SLC25A48: variants seen among roughly 807,000 people sequenced by gnomAD.
The protein encoded by SLC25A48 is CTC-321K16.1.
A neutral mutation model predicts 32.2 loss-of-function variants in SLC25A48; 29 were observed. The observed-to-expected ratio is 0.90, with a 90% CI of 0.67 to 1.23. The LOEUF is 1.23. Ranked by LOEUF, SLC25A48 falls within the 50% of genes most tolerant of loss-of-function variation. The probability of loss-of-function intolerance (pLI) is 0.00; values close to 1 mark genes in which losing one functional copy is unlikely to be tolerated. For missense variants in SLC25A48, 399 were observed against 422.7 expected, an observed-to-expected ratio of 0.94 and a Z score of 0.49; for synonymous variants, 164 against 172.3, an observed-to-expected ratio of 0.95 and a Z score of 0.38.
At chr5:135,713,901 C>T (rs1404839065) in intron 3 of SLC25A48, among the ~76,000 whole-genome samples, 4 of 152,134 alleles carry the variant, frequency 2.6e-5, no homozygotes, top group African/African-American at 4.8e-5. Context: ...TTGGGTTGGT[C>T]GTGTGGGAAA....
intron 1 of SLC25A48, among the ~76,000 whole-genome samples, chr5:135,605,999 A>G (rs1751925299): frequency 6.6e-6 from 1 of 152,234 alleles, no homozygotes; most frequent in Non-Finnish European, 1.5e-5. Context: ...TTTCCTAAGC[A>G]ATGCCACTGC....
intron 3 of SLC25A48, among the ~76,000 whole-genome samples, chr5:135,736,488 C>T (rs1299088907): frequency 1.3e-5 from 2 of 151,706 alleles, no homozygotes; most frequent in Non-Finnish European, 2.9e-5. Context: ...GTAGGTTGCC[C>T]GTAGTGAAGG....
At chr5:135,622,233 G>T (rs985740662) in intron 1 of SLC25A48, among the ~76,000 whole-genome samples, 1 of 152,062 alleles carries the variant, frequency 6.6e-6, no homozygotes, top group Admixed American at 6.5e-5. Flanking sequence ...GGGATGGGTG[G>T]GTACTTTGAA....
chr5:135,771,849 G>A (rs1756421754), intron 3 of SLC25A48, among the ~76,000 whole-genome samples: 1 of 151,226 alleles, frequency 6.6e-6, no homozygotes, highest in Non-Finnish European at 1.5e-5. Context: ...ATATCTCAGG[G>A]GTTGTACACA....
intron 1 of SLC25A48, among the ~76,000 whole-genome samples, chr5:135,599,952 C>A (rs1203828876): frequency 2.0e-5 from 3 of 152,016 alleles, no homozygotes; most frequent in African/African-American, 7.2e-5. Context: ...CTATTCCTGT[C>A]TGTCCCTGCC....
intron 6 of SLC25A48, chr5:135,874,765 C>A: frequency 1.4e-6 from 1 of 693,016 alleles, no homozygotes; most frequent in Non-Finnish European, 2.6e-6. Flanking sequence ...TGAAAAGGTG[C>A]TGCCCCAGGA....
At chr5:135,831,948 G>A (rs1758222767), upstream of SLC25A48, among the ~76,000 whole-genome samples, 1 of 152,184 alleles carries the variant, frequency 6.6e-6, no homozygotes, top group Admixed American at 6.5e-5. Context: ...AGGGCTGGGT[G>A]TCATTGAGGG....
chr5:135,739,459 T>A (rs567476730), intron 3 of SLC25A48, among the ~76,000 whole-genome samples: 1 of 152,288 alleles, frequency 6.6e-6, no homozygotes, highest in South Asian at 2.1e-4. Flanking sequence ...AGCCTGTGAT[T>A]CGTCAGGGGT....
At chr5:135,680,645 A>T (rs1406818390) in intron 3 of SLC25A48, among the ~76,000 whole-genome samples, 1 of 152,198 alleles carries the variant, frequency 6.6e-6, no homozygotes, top group Non-Finnish European at 1.5e-5. Context: ...GTGAAGGGGA[A>T]CTGCCTTTTA....
chr5:135,713,399 T>A (rs1207952208), intron 3 of SLC25A48, among the ~76,000 whole-genome samples: 1 of 152,198 alleles, frequency 6.6e-6, no homozygotes. Flanking sequence ...CTAGACTGAG[T>A]TCTCAGAGGC....
At chr5:135,607,592 T>A (rs997457795) in intron 1 of SLC25A48, among the ~76,000 whole-genome samples, 8 of 152,178 alleles carry the variant, frequency 5.3e-5, no homozygotes, top group African/African-American at 1.9e-4. Context: ...GTTCTGTTGG[T>A]GATTGCCTTT....
intron 1 of SLC25A48, chr5:135,835,161 A>C: frequency 1.5e-6 from 1 of 667,196 alleles, no homozygotes; most frequent in Non-Finnish European, 2.8e-6. Flanking sequence ...GTAATGATTA[A>C]ACAGCTCGTC....
chr5:135,583,171 A>AGTGTGTGTGTGTGT lies in SLC25A48; in HGVS notation c.-849+3583_-849+3584insTGTGTGTGTGTGTG, dbSNP rs35679412. ...CAGGCTACAAGGTTGCATGTGAGAA[A>AGTGTGTGTGTGTGT]GTGTGTGTGCGTGTGTGTGTGTGTG... On this transcript the variant is annotated intron_variant, in intron 1 of 10. Coordinates refer to the SLC25A48 transcript ENST00000646290. 7.8e-3 allele frequency among the ~76,000 whole-genome samples: 1,168 copies of AGTGTGTGTGTGTGT among 150,520 alleles called. 8 individuals are homozygous for AGTGTGTGTGTGTGT. The highest frequency in any genetic ancestry group is 0.012 in the South Asian group (54 of 4,682).
At chr5:135,615,257 T>C (rs1356483821) in intron 1 of SLC25A48, among the ~76,000 whole-genome samples, 1 of 152,200 alleles carries the variant, frequency 6.6e-6, no homozygotes, top group African/African-American at 2.4e-5. Flanking sequence ...AGGGAAAGTT[T>C]GGAACCTCCC....
intron 4 of SLC25A48, among the ~76,000 whole-genome samples, chr5:135,823,572 C>T (rs966692476): frequency 3.9e-5 from 6 of 152,142 alleles, no homozygotes; most frequent in African/African-American, 9.7e-5. Flanking sequence ...TCTAGGCCTT[C>T]GGGACACAGA....
chr5:135,630,312 T>A (rs553148231), intron 2 of SLC25A48, among the ~76,000 whole-genome samples: 6 of 152,278 alleles, frequency 3.9e-5, no homozygotes, highest in African/African-American at 1.4e-4. Context: ...TGCTGCTCTT[T>A]CTAAGAAAAA....
At chr5:135,649,309 G>C (rs1234310824) in intron 3 of SLC25A48, 1 of 152,118 alleles carries the variant, frequency 6.6e-6, no homozygotes, top group Non-Finnish European at 1.5e-5. Flanking sequence ...TGATTGACTT[G>C]GTGTCAGTTG....
intron 3 of SLC25A48, among the ~76,000 whole-genome samples, chr5:135,772,427 C>T (rs1756436194): frequency 6.6e-6 from 1 of 151,690 alleles, no homozygotes; most frequent in South Asian, 2.1e-4. Context: ...GATGATATTA[C>T]TCCCTATATC....
chr5:135,790,674 C>T (rs1404607183), intron 3 of SLC25A48, among the ~76,000 whole-genome samples: 1 of 151,416 alleles, frequency 6.6e-6, no homozygotes, highest in Non-Finnish European at 1.5e-5. Flanking sequence ...TTGTAATATC[C>T]TCTGGTGATG....
Sources: allele counts gnomAD v4.1 joint callset (sites outside exome capture counted in the v4.1 genomes callset), GRCh38; gene constraint gnomAD v4.1.1; transcripts MANE v1.5; gene names NCBI Gene and HGNC (gene_info 2026-07-23, HGNC 2026-07-21).